The following RELN variants were observed in gnomAD, a reference collection of about 807,000 sequenced individuals.
The protein encoded by RELN is reelin.
A neutral mutation model predicts 427.6 loss-of-function variants in RELN; 108 were observed. The ratio of observed to expected loss-of-function variants is 0.25; its 90% CI spans 0.22 to 0.30. RELN has a LOEUF of 0.30. RELN is among the 10% of genes least tolerant of loss of function. The probability of loss-of-function intolerance (pLI) is 1.00; values close to 1 mark genes in which losing one functional copy is unlikely to be tolerated. For synonymous variants in RELN, 1,524 were observed against 1,513.4 expected (o/e 1.01, Z -0.16); for missense variants, 3,715 against 4,302.8 (o/e 0.86, Z 3.82).
chr7:103,720,873 C>T (rs1790059479), intron 8 of RELN, among the ~76,000 whole-genome samples: 1 of 152,046 alleles, frequency 6.6e-6, no homozygotes, highest in Admixed American at 6.6e-5. Context: ...TAATGAGATA[C>T]ACAAAACATT....
chr7:103,917,522 T>TG (rs1479576121), intron 1 of RELN, among the ~76,000 whole-genome samples: 1 of 151,350 alleles, frequency 6.6e-6, no homozygotes. Context: ...TCAAAGGCAT[T>TG]GCTGGAGTTT....
chr7:103,578,598 C>T (rs1438829142), intron 28 of RELN, among the ~76,000 whole-genome samples: 2 of 152,186 alleles, frequency 1.3e-5, no homozygotes. Flanking sequence ...ATGTCTGCTG[C>T]TACTCTGTTC....
intron 1 of RELN, among the ~76,000 whole-genome samples, chr7:103,944,288 G>A (rs1796176157): frequency 1.3e-5 from 2 of 152,122 alleles, no homozygotes; most frequent in Admixed American, 6.5e-5. Flanking sequence ...AGGACAGTAG[G>A]TGAACAGTGA....
chr7:103,880,636 C>T (rs1307741055), intron 2 of RELN, among the ~76,000 whole-genome samples: 1 of 152,148 alleles, frequency 6.6e-6, no homozygotes, highest in African/African-American at 2.4e-5. Context: ...CTTAACTTCT[C>T]TGAGTTTCAA....
At chr7:103,712,882 T>C (rs1158465848) in intron 8 of RELN, among the ~76,000 whole-genome samples, 1 of 148,910 alleles carries the variant, frequency 6.7e-6, no homozygotes, top group Non-Finnish European at 1.5e-5. Flanking sequence ...TTTTGGGTAG[T>C]TTTTTTTTTA....
At chr7:103,656,865 C>T (rs1490795898) in intron 12 of RELN, among the ~76,000 whole-genome samples, 2 of 152,002 alleles carry the variant, frequency 1.3e-5, no homozygotes, top group African/African-American at 4.8e-5. Flanking sequence ...CTCTTTTCGT[C>T]CCTTAACAAC....
At chr7:103,899,784 G>C (rs1795042721) in intron 2 of RELN, among the ~76,000 whole-genome samples, 1 of 152,132 alleles carries the variant, frequency 6.6e-6, no homozygotes, top group East Asian at 1.9e-4. Context: ...ACTGGGTATT[G>C]ATGGAACATA....
chr7:103,559,633 A>C (rs1026948620), intron 36 of RELN, among the ~76,000 whole-genome samples: 2 of 152,052 alleles, frequency 1.3e-5, no homozygotes, highest in African/African-American at 2.4e-5. Flanking sequence ...GCTATTTATA[A>C]ATGTAATCAT....
chr7:103,800,404 A>C (rs564224605), intron 3 of RELN, among the ~76,000 whole-genome samples: 1 of 152,312 alleles, frequency 6.6e-6, no homozygotes, highest in East Asian at 1.9e-4. Context: ...AAAGAGAATA[A>C]AATACCTCAG....
chr7:103,802,588 T>A (rs1792496277), intron 3 of RELN, among the ~76,000 whole-genome samples: 1 of 152,116 alleles, frequency 6.6e-6, no homozygotes, highest in African/African-American at 2.4e-5. Flanking sequence ...AAATGTGAAA[T>A]TTTGAGAAGC....
At chr7:103,747,712 A>G (rs993787378) in intron 6 of RELN, among the ~76,000 whole-genome samples, 34 of 151,348 alleles carry the variant, frequency 2.2e-4, no homozygotes, top group Admixed American at 7.9e-4. Context: ...TAAGGGATAA[A>G]GTAAAATTAC....
intron 57 of RELN, 134 bp downstream of exon 57, chr7:103,495,587 CCT>C: frequency 2.4e-6 from 2 of 828,746 alleles, no homozygotes; most frequent in South Asian, 3.0e-5. Flanking sequence ...CAAAAGATGA[CCT>C]CTTTTATTCA....
intron 16 of RELN, among the ~76,000 whole-genome samples, chr7:103,644,757 C>T (rs1584371986): frequency 6.6e-6 from 1 of 151,670 alleles, no homozygotes; most frequent in African/African-American, 2.4e-5. Flanking sequence ...AAGATTTAGA[C>T]ATCCAGATTT....
At chr7:103,570,203 A>G (rs1470538698) in intron 31 of RELN, among the ~76,000 whole-genome samples, 1 of 152,208 alleles carries the variant, frequency 6.6e-6, no homozygotes, top group Non-Finnish European at 1.5e-5. Flanking sequence ...CAGGGCAGAA[A>G]ATAGCACTTG....
intron 6 of RELN, among the ~76,000 whole-genome samples, chr7:103,746,614 G>C (rs539649319): frequency 1.6e-4 from 25 of 152,256 alleles, no homozygotes; most frequent in East Asian, 7.7e-4. Context: ...GATATGAACA[G>C]ACACTTCTCA....
intron 51 of RELN, among the ~76,000 whole-genome samples, chr7:103,508,477 C>G (rs976524759): frequency 6.6e-6 from 1 of 152,176 alleles, no homozygotes; most frequent in African/African-American, 2.4e-5. Flanking sequence ...AACTCAATAA[C>G]TAGGTATTGA....
intron 1 of RELN, among the ~76,000 whole-genome samples, chr7:103,929,157 G>A (rs967821604): frequency 6.8e-6 from 1 of 146,498 alleles, no homozygotes; most frequent in Non-Finnish European, 1.5e-5. Flanking sequence ...ATGGCATCTG[G>A]TTGCTGTTGG....
intron 9 of RELN, among the ~76,000 whole-genome samples, chr7:103,698,561 T>A (rs932005705): frequency 6.6e-6 from 1 of 152,164 alleles, no homozygotes; most frequent in Non-Finnish European, 1.5e-5. Flanking sequence ...TCATATAGGC[T>A]GGAGTGCAGT....
At position 103,572,152 on chromosome 7, in the gene RELN, A is replaced by G. The variant is rs761347956; in HGVS notation, c.4588+32T>C. ...ATAAAGGACTAATCTGCCAATAGTA[A>G]CTGTAATTTCCATGGAAATACAGCA... On this transcript the variant is annotated intron_variant, in intron 31 of 64. Transcript: ENST00000428762. The G allele has an allele frequency of 3.1e-5, 39 of 1,271,480 alleles. No individual in the cohort carries two copies. The Admixed American group carries it at 5.9e-4, about 19-fold the overall frequency. 78.8% of individuals were successfully genotyped at this position (1,271,480 alleles called of 1,614,324 possible).
Sources: allele counts gnomAD v4.1 joint callset (sites outside exome capture counted in the v4.1 genomes callset), GRCh38; gene constraint gnomAD v4.1.1; transcripts MANE v1.5; gene names NCBI Gene and HGNC (gene_info 2026-07-23, HGNC 2026-07-21).